Variants in NRXN3 observed in about 807,000 individuals in gnomAD.
The protein encoded by NRXN3 is neurexin III.
Under a neutral mutation model 137.6 loss-of-function variants are expected in NRXN3, and 32 were observed. The observed-to-expected ratio is 0.23, with a 90% CI of 0.18 to 0.31. The LOEUF (loss-of-function observed/expected upper bound fraction) is 0.31. NRXN3 is among the 10% of genes least tolerant of loss of function. The probability of loss-of-function intolerance (pLI) is 1.00; values close to 1 mark genes in which losing one functional copy is unlikely to be tolerated. For missense variants in NRXN3, 1,574 were observed against 2,062.5 expected (o/e 0.76, Z 4.59); for synonymous variants, 798 against 784.5 (o/e 1.02, Z -0.29).
intron 19 of NRXN3, among the ~76,000 whole-genome samples, chr14:79,770,265 C>G (rs1201841017): frequency 6.6e-6 from 1 of 152,048 alleles, no homozygotes; most frequent in African/African-American, 2.4e-5. Flanking sequence ...AGCTCTGCAC[C>G]AAGCGGACCT....
In NRXN3 at chr14:79,844,380, T is replaced by G. The variant is rs2141533024; in HGVS notation, c.4094-16962T>G. ...GGATCCTTCTAACAATTTTTTCAAT[T>G]TATTTTTCCCAGATCCATTAGAAGA... On this transcript the variant is annotated intron_variant, in intron 20 of 20. Coordinates refer to ENST00000335750, the MANE Select transcript of NRXN3 (RefSeq NM_001330195.2). Among the ~76,000 whole-genome samples, 3 of 151,012 alleles carry G rather than the reference T, an allele frequency of 2.0e-5. No individual in the cohort carries two copies. The Admixed American group carries it at 2.0e-4, about 10-fold the overall frequency.
intron 1 of NRXN3, among the ~76,000 whole-genome samples, chr14:78,178,700 T>G (rs1488008995): frequency 6.6e-6 from 1 of 152,142 alleles, no homozygotes; most frequent in Non-Finnish European, 1.5e-5. Context: ...TATTTTTCAC[T>G]TAGGTGGGTA....
At chr14:78,916,352 A>G (rs1273101618) in intron 10 of NRXN3, among the ~76,000 whole-genome samples, 1 of 152,208 alleles carries the variant, frequency 6.6e-6, no homozygotes, top group Non-Finnish European at 1.5e-5. Flanking sequence ...AATGTTCCAA[A>G]GAAATAAACC....
intron 19 of NRXN3, among the ~76,000 whole-genome samples, chr14:79,759,045 C>T (rs1458814832): frequency 6.6e-6 from 1 of 152,036 alleles, no homozygotes; most frequent in Admixed American, 6.6e-5. Flanking sequence ...AAAGACATTG[C>T]AGGGGGTGGG....
chr14:79,534,888 G>A (rs761838145), intron 16 of NRXN3, among the ~76,000 whole-genome samples: 13 of 152,134 alleles, frequency 8.5e-5, no homozygotes, highest in Non-Finnish European at 1.6e-4. Flanking sequence ...AAGTTGCTGC[G>A]CATGCGTCAC....
intron 16 of NRXN3, among the ~76,000 whole-genome samples, chr14:79,547,865 C>G (rs143735281): frequency 5.1e-4 from 78 of 152,224 alleles, no homozygotes; most frequent in Non-Finnish European, 8.7e-4. Context: ...ATTTGCATGA[C>G]CAGAACTCCA....
intron 4 of NRXN3, among the ~76,000 whole-genome samples, chr14:78,331,085 A>G (rs1467845807): frequency 6.6e-6 from 1 of 152,208 alleles, no homozygotes. Context: ...TATTTTGCTC[A>G]TCATGAGTCT....
intron 16 of NRXN3, among the ~76,000 whole-genome samples, chr14:79,595,904 C>A (rs1170688258): frequency 6.6e-6 from 1 of 152,118 alleles, no homozygotes. Flanking sequence ...GCAATTATTT[C>A]TCTATGGCTT....
At chr14:78,778,820 C>CT (rs869051955) in intron 8 of NRXN3, among the ~76,000 whole-genome samples, 2 of 75,262 alleles carry the variant, frequency 2.7e-5, no homozygotes, top group Non-Finnish European at 5.7e-5. Context: ...TTCTTTCTTT[C>CT]TTTTCCTTCT....
intron 4 of NRXN3, among the ~76,000 whole-genome samples, chr14:78,570,092 A>C (rs1197256208): frequency 6.6e-6 from 1 of 152,204 alleles, no homozygotes; most frequent in Non-Finnish European, 1.5e-5. Context: ...ATGCAATGGA[A>C]TGTTTGTGTC....
intron 4 of NRXN3, among the ~76,000 whole-genome samples, chr14:78,605,003 T>C (rs1408854920): frequency 6.6e-6 from 1 of 152,206 alleles, no homozygotes; most frequent in Non-Finnish European, 1.5e-5. Context: ...GTCAGAAGCC[T>C]GTTCCCCAGA....
intron 15 of NRXN3, among the ~76,000 whole-genome samples, chr14:79,399,696 A>G (rs917182534): frequency 2.6e-5 from 4 of 152,216 alleles, no homozygotes; most frequent in African/African-American, 4.8e-5. Context: ...GCTATGGCAG[A>G]TGTAAGTTTA....
chr14:78,239,070 G>A (rs745389647), intron 1 of NRXN3, among the ~76,000 whole-genome samples: 5 of 152,256 alleles, frequency 3.3e-5, no homozygotes, highest in Non-Finnish European at 7.3e-5. Context: ...GGGTTGTGTG[G>A]AGGCCACTGC....
At chr14:78,382,744 C>T (rs1174494173) in intron 4 of NRXN3, among the ~76,000 whole-genome samples, 1 of 152,080 alleles carries the variant, frequency 6.6e-6, no homozygotes, top group Admixed American at 6.5e-5. Context: ...CTGAACAGGC[C>T]CCTATTCCCT....
chr14:79,254,488 A>G (rs2076325217), intron 15 of NRXN3, among the ~76,000 whole-genome samples: 1 of 151,600 alleles, frequency 6.6e-6, no homozygotes, highest in African/African-American at 2.4e-5. Flanking sequence ...TCTGCTCCAT[A>G]GGCTCAAGCA....
intron 19 of NRXN3, among the ~76,000 whole-genome samples, chr14:79,712,928 C>G (rs938445655): frequency 6.6e-6 from 1 of 152,104 alleles, no homozygotes; most frequent in Non-Finnish European, 1.5e-5. Flanking sequence ...GCACATTGTC[C>G]TGTAGCCTCC....
chr14:78,523,643 C>CAAAT (rs2096321832), intron 4 of NRXN3, among the ~76,000 whole-genome samples: 1 of 77,730 alleles, frequency 1.3e-5, no homozygotes, highest in Non-Finnish European at 2.4e-5. Flanking sequence ...ACTACAAATA[C>CAAAT]AAAAAAAAAA....
At chr14:78,710,561 A>G (rs914831994) in intron 7 of NRXN3, among the ~76,000 whole-genome samples, 1 of 152,216 alleles carries the variant, frequency 6.6e-6, no homozygotes, top group Non-Finnish European at 1.5e-5. Flanking sequence ...GGATGTACTC[A>G]AGAAGGGTCT....
chr14:78,216,006 C>G (rs139499469), intron 1 of NRXN3, among the ~76,000 whole-genome samples: 107 of 152,290 alleles, frequency 7.0e-4, no homozygotes, highest in African/African-American at 2.5e-3. Flanking sequence ...GATGACCAAT[C>G]AAAGAGGAAA....
Sources: gnomAD v4.1 joint callset for allele counts (sites outside exome capture counted in the v4.1 genomes callset) on GRCh38, gnomAD v4.1.1 for gene constraint, MANE v1.5 for transcripts, NCBI Gene and HGNC (gene_info 2026-07-23, HGNC 2026-07-21) for gene names.